Variants in RORA observed in about 807,000 individuals in gnomAD.
RORA encodes RAR related orphan receptor A.
Under a neutral mutation model 69.5 loss-of-function variants are expected in RORA, and 7 were observed. The ratio of observed to expected loss-of-function variants is 0.10; its 90% confidence interval spans 0.06 to 0.19. The LOEUF (loss-of-function observed/expected upper bound fraction) is 0.19, where lower values mean the gene tolerates loss of function less well. RORA is among the 10% of genes least tolerant of loss of function. The pLI, the probability that RORA is intolerant of heterozygous loss-of-function variation, is 1.00. For synonymous variants in RORA, 261 were observed against 240.8 expected (o/e 1.08, Z -0.78); for missense variants, 457 against 663.0 (o/e 0.69, Z 3.41).
intron 1 of RORA, among the ~76,000 whole-genome samples, chr15:61,208,461 A>G (rs1334488161): frequency 6.6e-6 from 1 of 152,238 alleles, no homozygotes; most frequent in African/African-American, 2.4e-5. Flanking sequence ...GGAAATGTTG[A>G]ACTAGACTGT....
In RORA at chr15:60,544,388, T is replaced by G. The variant is rs138472181; in HGVS notation, c.197-12537A>C. ...CATTGGTTTAGGAAAGGAAATACAA[T>G]GAACTGTTCTCTTCGAGATCCAGAA... On this transcript the variant is annotated intron_variant, in intron 2 of 10. Coordinates refer to ENST00000335670, the MANE Select transcript of RORA (RefSeq NM_134261.3). Among the ~76,000 whole-genome samples the G allele has an allele frequency of 4.2e-3, 629 of 149,224 alleles. 1 individual carries two copies. Among genetic ancestry groups the G allele is most frequent in the African/African-American group, 0.014 (598 of 41,398 alleles).
At chr15:60,923,699 A>G (rs16943349) in intron 1 of RORA, among the ~76,000 whole-genome samples, 12,083 of 152,222 alleles carry the variant, frequency 0.079, 884 homozygotes, top group African/African-American at 0.18. Context: ...GCCTTTCCGA[A>G]CGCTCCACAG....
intron 1 of RORA, among the ~76,000 whole-genome samples, chr15:61,005,466 C>T (rs902419250): frequency 1.3e-5 from 2 of 152,026 alleles, no homozygotes; most frequent in Non-Finnish European, 2.9e-5. Context: ...GGCAACAGAG[C>T]GAGACTCTGT....
chr15:60,742,558 G>A (rs768195631), intron 1 of RORA, among the ~76,000 whole-genome samples: 4 of 152,140 alleles, frequency 2.6e-5, no homozygotes, highest in Non-Finnish European at 4.4e-5. Flanking sequence ...TGGTCACTAC[G>A]ATGTTCAATA....
intron 1 of RORA, among the ~76,000 whole-genome samples, chr15:61,124,054 T>G (rs1378995360): frequency 6.6e-6 from 1 of 152,174 alleles, no homozygotes; most frequent in African/African-American, 2.4e-5. Flanking sequence ...GTGAGAAGGT[T>G]CCTTACCCGC....
At chr15:60,899,958 A>G (rs1891340900) in intron 1 of RORA, among the ~76,000 whole-genome samples, 1 of 152,186 alleles carries the variant, frequency 6.6e-6, no homozygotes, top group Admixed American at 6.5e-5. Context: ...CCTTATGCAA[A>G]GGCCAGTAAA....
intron 1 of RORA, among the ~76,000 whole-genome samples, chr15:60,769,605 T>C (rs1224276803): frequency 1.3e-5 from 2 of 152,182 alleles, no homozygotes; most frequent in Non-Finnish European, 2.9e-5. Flanking sequence ...GATTCCTTCT[T>C]TCTGGTCTCA....
At chr15:60,742,308 A>G (rs1021262599) in intron 1 of RORA, among the ~76,000 whole-genome samples, 1 of 152,212 alleles carries the variant, frequency 6.6e-6, no homozygotes, top group South Asian at 2.1e-4. Context: ...GCAGAAATCT[A>G]TTCAGAAGAA....
At chr15:61,124,432 T>A (rs782938) in intron 1 of RORA, among the ~76,000 whole-genome samples, 47 of 151,932 alleles carry the variant, frequency 3.1e-4, no homozygotes, top group South Asian at 1.0e-3. Context: ...TCTCTGCCCC[T>A]CTGAGAGCAG....
At chr15:61,203,038 A>C (rs2079909418) in intron 1 of RORA, among the ~76,000 whole-genome samples, 1 of 152,244 alleles carries the variant, frequency 6.6e-6, no homozygotes, top group African/African-American at 2.4e-5. Context: ...TACCTTAAGT[A>C]CTTGACATAA....
intron 1 of RORA, among the ~76,000 whole-genome samples, chr15:61,175,780 A>G (rs2079624089): frequency 6.6e-6 from 1 of 152,190 alleles, no homozygotes; most frequent in Admixed American, 6.5e-5. Flanking sequence ...TGCCCAGGCC[A>G]CAGAGCTAAT....
intron 1 of RORA, among the ~76,000 whole-genome samples, chr15:60,776,812 T>G (rs1031418458): frequency 3.3e-5 from 5 of 152,224 alleles, no homozygotes; most frequent in Admixed American, 2.0e-4. Context: ...AGTCCTATCC[T>G]TACCATTCTG....
rs547535338 is a variant in RORA at position 60,693,139 on chromosome 15, G to A, written c.167-14453C>T. On this transcript the variant is annotated intron_variant, in intron 1 of 10. Transcript: ENST00000335670. ...GCTTCATCCCCGGGATGCAAGGCTG[G>A]TTCAACATGTGCAAATCAATAAATG... Among the ~76,000 whole-genome samples, 5 of 152,284 alleles carry A rather than the reference G, an allele frequency of 3.3e-5. No homozygotes were observed. In the East Asian group the frequency reaches 9.6e-4, roughly 29 times the overall value.
At chr15:60,671,486 AAG>A (rs2070471388) in intron 2 of RORA, among the ~76,000 whole-genome samples, 1 of 152,032 alleles carries the variant, frequency 6.6e-6, no homozygotes, top group Non-Finnish European at 1.5e-5. Flanking sequence ...CATTTAAAGT[AAG>A]AAGGTTGGCT....
At chr15:60,592,263 C>A in intron 2 of RORA, 2 of 621,750 alleles carry the variant, frequency 3.2e-6, no homozygotes, top group Non-Finnish European at 4.5e-6. Context: ...GGCAGGGCCC[C>A]CGCGCCGAGC....
At chr15:61,179,328 A>G (rs147756516) in intron 1 of RORA, among the ~76,000 whole-genome samples, 267 of 152,364 alleles carry the variant, frequency 1.8e-3, no homozygotes, top group African/African-American at 5.9e-3. Context: ...CACACACTGA[A>G]TGCAGAAGCA....
At chr15:60,631,603 T>C (rs1275412571) in intron 2 of RORA, among the ~76,000 whole-genome samples, 1 of 152,180 alleles carries the variant, frequency 6.6e-6, no homozygotes, top group Non-Finnish European at 1.5e-5. Flanking sequence ...GTGGGGGAAC[T>C]CTACCTTTGC....
At chr15:60,950,010 A>G (rs1025335290) in intron 1 of RORA, among the ~76,000 whole-genome samples, 4 of 152,046 alleles carry the variant, frequency 2.6e-5, no homozygotes, top group African/African-American at 9.7e-5. Flanking sequence ...GTTGAAATGA[A>G]GGAAAAAATG....
intron 1 of RORA, among the ~76,000 whole-genome samples, 200 bp from the exon 2 acceptor site, chr15:60,678,886 A>C (rs1231929806): frequency 6.6e-6 from 1 of 152,132 alleles, no homozygotes; most frequent in Admixed American, 6.5e-5. Context: ...AGCGACCATC[A>C]CCTCCTGGTT....
Sources: gnomAD v4.1 joint callset for allele counts (sites outside exome capture counted in the v4.1 genomes callset) on GRCh38, gnomAD v4.1.1 for gene constraint, MANE v1.5 for transcripts, NCBI Gene and HGNC (gene_info 2026-07-23, HGNC 2026-07-21) for gene names.